The following PRC1 variants were observed in gnomAD, a reference collection of about 807,000 sequenced individuals.
PRC1 encodes the protein anaphase spindle elongation 1 homolog.
A neutral mutation model predicts 91.2 loss-of-function variants in PRC1; 54 were observed. The ratio of observed to expected loss-of-function variants is 0.59; its 90% CI spans 0.48 to 0.74. The LOEUF is 0.74. PRC1 is among the 30% of genes least tolerant of loss of function. PRC1 has a pLI of 0.00. For synonymous variants in PRC1, 275 were observed against 263.6 expected, an observed-to-expected ratio of 1.04 and a Z score of -0.42; for missense variants, 727 against 746.2, an observed-to-expected ratio of 0.97 and a Z score of 0.30.
At chr15:90,980,455 TCCC>T (rs1355323961) in intron 6 of PRC1, 66 bp from the exon 7 acceptor site, 1 of 1,471,488 alleles carries the variant, frequency 6.8e-7, no homozygotes, top group Non-Finnish European at 9.1e-7. Context: ...TTGCAAAAGA[TCCC>T]CCCCTTTTAA....
At chr15:90,968,979 G>A (rs531156302) in intron 14 of PRC1, 100 bp downstream of exon 14, 58 of 1,587,148 alleles carry the variant, frequency 3.7e-5, no homozygotes, top group Non-Finnish European at 5.0e-5. Context: ...TTGTAACACT[G>A]CTGAGATTAT....
intron 1 of PRC1, among the ~76,000 whole-genome samples, chr15:90,992,507 G>T (rs1229345581): frequency 2.6e-5 from 4 of 152,058 alleles, no homozygotes; most frequent in Admixed American, 2.6e-4. Context: ...TCCCACCTTG[G>T]CCTCCCAAAG....
In PRC1 at chr15:90,981,570, C is replaced by A. The variant is rs775198089; in HGVS notation, c.601G>T (p.Val201Leu). Residue 201 changes from valine (V) to leucine (L), a missense_variant, in exon 5 of 15, where the codon GTG (valine) becomes TTG (leucine). Physicochemically the swap from Val to Leu is conservative, Grantham distance 32. Coordinates refer to ENST00000394249, the MANE Select transcript of PRC1 (RefSeq NM_003981.4). Reference protein sequence around the residue: ...TPDTSFERDVVCEDEDAFCLS... With the variant: ...TPDTSFERDVLCEDEDAFCLS... ...CAAAAGGCATCTTCGTCTTCACACA[C>A]CACATCTCTTTCAAAGCTTGTGTCT... 5.0e-6 allele frequency: 8 copies of A among 1,614,118 alleles called. No individual in the cohort carries two copies. Among genetic ancestry groups the A allele is most frequent in the Non-Finnish European group, 8.5e-7 (1 of 1,180,036 alleles).
Position 90,974,867 on chromosome 15 carries a change from G to C in PRC1, c.1204-136C>G. 1.0e-6 allele frequency: 1 copy of C among 1,001,360 alleles called. No individual in the cohort carries two copies. 62.0% of individuals were successfully genotyped at this position (1,001,360 alleles called of 1,614,324 possible). On this transcript the variant is annotated intron_variant, in intron 9 of 14. Coordinates refer to ENST00000394249, the MANE Select transcript of PRC1 (RefSeq NM_003981.4). This position sits in a 1 kb window ranked among gnomAD's most constrained non-coding sequence, Gnocchi z 4.6. The stretch of plus-strand genomic sequence containing the variant: ...ATTTCAGGTAGCTGGGCCCACATGG[G>C]TACAGGTCAGAGTGACCAGAAATCA...
chr15:90,993,121 T>C (rs1465126881), intron 1 of PRC1, among the ~76,000 whole-genome samples: 1 of 144,016 alleles, frequency 6.9e-6, no homozygotes, highest in Non-Finnish European at 1.5e-5. Context: ...TCCATTAGCC[T>C]GGAACCAACA....
chr15:90,966,932 C>A lies in PRC1; in HGVS notation c.*199G>T, dbSNP rs960215982. On this transcript the variant is annotated 3_prime_UTR_variant, in exon 15 of 15. Transcript: ENST00000394249. ...AACTTTTCATGTATATAAGTCAAAA[C>A]CAAGTCTCCTAGGACCACTAAACCT... The A allele has an allele frequency of 1.2e-5, 7 of 596,284 alleles. No homozygotes were observed. Among genetic ancestry groups the A allele is most frequent in the Admixed American group, 3.0e-5 (1 of 32,960 alleles). The allele number at this position is 596,284 out of a possible 1,614,324, so 36.9% of individuals were successfully genotyped here.
intron 1 of PRC1, 41 bp downstream of exon 1, chr15:90,994,366 C>A: frequency 6.2e-7 from 1 of 1,612,024 alleles, no homozygotes; most frequent in South Asian, 1.1e-5. Flanking sequence ...AAACGAGCGT[C>A]GCTCCCTCCC....
At chr15:90,968,547 GGA>G (rs2037747991) in intron 14 of PRC1, 1 of 991,116 alleles carries the variant, frequency 1.0e-6, no homozygotes, top group Non-Finnish European at 1.2e-6. Flanking sequence ...AGAGCATTCT[GGA>G]AAAACTTGCT....
rs1435487474 is a variant in PRC1, at chr15:90,974,642, A to G, written c.1293T>C (p.Tyr431=). 2.5e-6 allele frequency: 4 copies of G among 1,614,198 alleles called. No homozygotes were observed. The highest frequency in any genetic ancestry group is 1.1e-5 in the South Asian group (1 of 91,084). ...FMVNGQKFME[Y]VAEQWEMHRL... is the part of the protein sequence containing the mutation. ...GATGCATCTCCCATTGTTCTGCCAC[A>G]TACTCCATGAATTTCTGCCCATTCA... The change falls in exon 10 of 15, where the codon TAT becomes TAC. Residue 431 remains tyrosine (Y), a synonymous_variant. Transcript: ENST00000394249. This position sits in a 1 kb window ranked among gnomAD's most constrained non-coding sequence, Gnocchi z 4.6.
At position 90,985,473 on chromosome 15, in the gene PRC1, C is replaced by T. The variant is rs144802245; in HGVS notation, c.12-648G>A. On this transcript the variant is annotated intron_variant, in intron 1 of 14. Transcript: ENST00000394249. ...CTTGAATTCCCGGCCTCAAGTGATC[C>T]GCCCTCCTCGGCCTCCCAAAGTGCT... is the stretch of plus-strand genomic sequence containing the variant. 8.8e-3 allele frequency among the ~76,000 whole-genome samples: 1,333 copies of T among 151,896 alleles called. 9 individuals are homozygous for T. Among genetic ancestry groups the T allele is most frequent in the Non-Finnish European group, 0.014 (945 of 67,946 alleles).
rs569046420 is a variant in PRC1, at chr15:90,974,952, G to A, written c.1204-221C>T. ...GAGTGGAAAATGGCAAGAACCCAAA[G>A]TTTGACCACTAAGGTTTTGGTGCCT... On this transcript the variant is annotated intron_variant, in intron 9 of 14. Transcript: ENST00000394249. This position sits in a 1 kb window ranked among gnomAD's most constrained non-coding sequence, Gnocchi z 4.6. Among the ~76,000 whole-genome samples the A allele has an allele frequency of 6.6e-6, 1 of 152,274 alleles. No homozygotes were observed. Among genetic ancestry groups the A allele is most frequent in the South Asian group, 2.1e-4 (1 of 4,824 alleles).
At chr15:90,968,850 G>T in intron 14 of PRC1, 1 of 1,351,182 alleles carries the variant, frequency 7.4e-7, no homozygotes. Context: ...ATTTAAAACT[G>T]TGCCTGACTT....
chr15:90,986,851 T>C (rs1421917467), intron 1 of PRC1, among the ~76,000 whole-genome samples: 1 of 148,922 alleles, frequency 6.7e-6, no homozygotes, highest in African/African-American at 2.5e-5. Flanking sequence ...TTTAATGAAG[T>C]AAAATAAACA....
chr15:90,992,968 A>C (rs2040063331), intron 1 of PRC1, among the ~76,000 whole-genome samples: 1 of 145,842 alleles, frequency 6.9e-6, no homozygotes, highest in African/African-American at 2.5e-5. Context: ...GATAACCATA[A>C]TTAATTCTGG....
Position 90,981,516 on chromosome 15 carries a change from G to A in PRC1, c.655C>T (p.Gln219Ter). 1 of 1,613,836 alleles carries A rather than the reference G, an allele frequency of 6.2e-7. No individual in the cohort carries two copies. Among genetic ancestry groups the A allele is most frequent in the Admixed American group, 1.7e-5 (1 of 60,010 alleles). ...CLSLENIATL[Q>*]KLLRQLEMQK... The stretch of plus-strand genomic sequence containing the variant: ...GACAGTACCTGCCGTAGCAACTTTT[G>A]TAGTGTTGCAATATTCTCCAAAGAC... Residue 219 changes from glutamine (Q) to a stop codon, truncating the protein, a stop_gained, in exon 5 of 15, where the codon CAA (glutamine) becomes TAA (stop). Transcript: ENST00000394249. LOFTEE classifies it high-confidence loss of function.
intron 14 of PRC1, chr15:90,967,826 C>T (rs1442883280): frequency 2.0e-6 from 2 of 984,116 alleles, no homozygotes; most frequent in South Asian, 4.7e-5. Flanking sequence ...TGTCATTAAG[C>T]GAGGCATGAC....
In PRC1 at chr15:90,981,621, A is replaced by C. The variant is rs2039202775; in HGVS notation, c.550T>G (p.Cys184Gly). ...GGGGTGTGGTCTAATGCTTCCATACACAGTATGATCTGTCTCTTTATACTG... is the reference window on the plus strand; with the variant it reads ...GGGGTGTGGTCTAATGCTTCCATACCCAGTATGATCTGTCTCTTTATACTG... ...FVSIKRQIIL[C>G]MEALDHTPDT... Residue 184 changes from cysteine (C) to glycine (G), a missense_variant, in exon 5 of 15, where the codon TGT becomes GGT. Transcript: ENST00000394249. 1 of 1,613,938 alleles carries C rather than the reference A, an allele frequency of 6.2e-7. No homozygotes were observed. Among genetic ancestry groups the C allele is most frequent in the African/African-American group, 1.3e-5 (1 of 74,928 alleles).
intron 3 of PRC1, 134 bp downstream of exon 3, chr15:90,983,884 G>T: frequency 8.2e-7 from 1 of 1,226,956 alleles, no homozygotes; most frequent in Non-Finnish European, 1.1e-6. Context: ...TAACTACACA[G>T]CATGTTTTCC....
chr15:90,977,574 A>T (rs1216193643), intron 8 of PRC1, among the ~76,000 whole-genome samples: 8 of 127,002 alleles, frequency 6.3e-5, no homozygotes, highest in Admixed American at 4.9e-4. Context: ...CTCCTTATTT[A>T]CGTTTTTTTT....
Sources: allele counts gnomAD v4.1 joint callset (sites outside exome capture counted in the v4.1 genomes callset), GRCh38; gene constraint gnomAD v4.1.1; non-coding constraint Gnocchi (gnomAD v3.1); transcripts MANE v1.5; gene names NCBI Gene and HGNC (gene_info 2026-07-23, HGNC 2026-07-21).